Variants in IARS2 observed in about 807,000 individuals in gnomAD.
IARS2 encodes isoleucine--tRNA ligase, mitochondrial.
A neutral mutation model predicts 126.3 loss-of-function variants in IARS2; 56 were observed. That is an observed-to-expected ratio of 0.44 (90% CI 0.36 to 0.55). IARS2 has a LOEUF of 0.55. Ranked by LOEUF, IARS2 falls within the 20% of genes least tolerant of loss-of-function variation. The probability of loss-of-function intolerance (pLI) is 0.00; values close to 1 mark genes in which losing one functional copy is unlikely to be tolerated. For synonymous variants in IARS2, 407 were observed against 441.1 expected, an observed-to-expected ratio of 0.92 and a Z score of 0.97; for missense variants, 1,127 against 1,245.9, an observed-to-expected ratio of 0.90 and a Z score of 1.44.
At chr1:220,103,608 G>T in intron 8 of IARS2, 46 bp downstream of exon 8, 2 of 1,243,862 alleles carry the variant, frequency 1.6e-6, no homozygotes. Flanking sequence ...AAAGTATTGG[G>T]CTGACTTGAA....
Position 220,125,222 on chromosome 1 carries a change from TC to T in IARS2, c.1641-9del. Reference sequence around the variant, plus strand: ...TAGTTAATTGAATAATTCTGCCATGTCCCCCCTGAAATAGCCAAACCACTGA... The same window carrying T: ...TAGTTAATTGAATAATTCTGCCATGTCCCCCTGAAATAGCCAAACCACTGA... On this transcript the variant is annotated splice_polypyrimidine_tract_variant and intron_variant, in intron 12 of 22. Transcript: ENST00000366922. The T allele has an allele frequency of 2.7e-6, 4 of 1,485,842 alleles. No individual in the cohort carries two copies. Among genetic ancestry groups the T allele is most frequent in the Non-Finnish European group, 3.7e-6 (4 of 1,072,942 alleles). The allele number at this position is 1,485,842 out of a possible 1,614,324, so 92.0% of individuals were successfully genotyped here.
intron 9 of IARS2, 53 bp downstream of exon 9, chr1:220,106,113 A>G: frequency 7.0e-7 from 1 of 1,432,066 alleles, no homozygotes; most frequent in Non-Finnish European, 9.5e-7. Flanking sequence ...AAAGGAAATG[A>G]TAAATTCTAA....
chr1:220,105,971 A>T lies in IARS2; in HGVS notation c.1147A>T (p.Thr383Ser). ...TCCTCTTTTACCTGCAAATCATGTG[A>T]CCATGGCAAAAGGAACGGGATTGGT... ...ASPLLPANHV[T>S]MAKGTGLVHT... The change falls in exon 9 of 23, where the codon ACC (threonine) becomes TCC (serine). Residue 383 changes from threonine (T) to serine (S), a missense_variant. Physicochemically the swap from Thr to Ser is moderately conservative, Grantham distance 58. Coordinates refer to ENST00000366922, the MANE Select transcript of IARS2 (RefSeq NM_018060.4). 3.7e-6 allele frequency: 6 copies of T among 1,614,056 alleles called. No homozygotes were observed. The highest frequency in any genetic ancestry group is 5.1e-6 in the Non-Finnish European group (6 of 1,179,946).
chr1:220,112,010 C>A (rs554254573), intron 11 of IARS2, among the ~76,000 whole-genome samples: 15 of 150,962 alleles, frequency 9.9e-5, no homozygotes, highest in African/African-American at 3.6e-4. Flanking sequence ...AAAAATTGTT[C>A]TTTGTAGAAG....
intron 12 of IARS2, among the ~76,000 whole-genome samples, chr1:220,116,984 G>A (rs1166449969): frequency 6.6e-6 from 1 of 151,778 alleles, no homozygotes; most frequent in Admixed American, 6.6e-5. Context: ...GGCCACAAAG[G>A]ATCCATCCAC....
intron 10 of IARS2, among the ~76,000 whole-genome samples, chr1:220,110,369 ACTC>A (rs1469483031): frequency 7.2e-6 from 1 of 138,284 alleles, no homozygotes; most frequent in African/African-American, 2.7e-5. Context: ...CAAGTTGACT[ACTC>A]TTTTATTTTT....
chr1:220,140,983 CAAAAAA>C (rs555848103), intron 19 of IARS2, among the ~76,000 whole-genome samples: 1 of 69,240 alleles, frequency 1.4e-5, no homozygotes, highest in Non-Finnish European at 2.9e-5. Flanking sequence ...GACTCCGTCT[CAAAAAA>C]AAAAAAAAAA....
At chr1:220,146,614 A>G (rs1052622657) in intron 22 of IARS2, among the ~76,000 whole-genome samples, 22 of 151,614 alleles carry the variant, frequency 1.5e-4, no homozygotes, top group Non-Finnish European at 2.8e-4. Flanking sequence ...TACAGGCATC[A>G]GTTCAAATTT....
intron 11 of IARS2, among the ~76,000 whole-genome samples, chr1:220,112,124 CTTTTTTTT>C (rs1279509771): frequency 8.7e-6 from 1 of 114,756 alleles, no homozygotes; most frequent in Non-Finnish European, 1.8e-5. Context: ...CGACCACCTA[CTTTTTTTT>C]TTTTTTTTTT....
chr1:220,145,789 A>T (rs768393378), intron 22 of IARS2, 136 bp downstream of exon 22: 316 of 732,012 alleles, frequency 4.3e-4, no homozygotes, highest in Non-Finnish European at 5.9e-4. Flanking sequence ...GAAATAATAA[A>T]AACAATTGCC....
intron 17 of IARS2, among the ~76,000 whole-genome samples, chr1:220,138,465 G>C (rs547168091): frequency 6.6e-6 from 1 of 151,704 alleles, no homozygotes; most frequent in Non-Finnish European, 1.5e-5. Context: ...GCAAGACCTT[G>C]TCTCAAAAAA....
chr1:220,145,746 G>A, intron 22 of IARS2, 93 bp downstream of exon 22: 9 of 1,013,688 alleles, frequency 8.9e-6, no homozygotes, highest in Admixed American at 2.9e-5. Context: ...TTATTCTAAA[G>A]GTAGATATAT....
In IARS2 at chr1:220,118,076, T is replaced by C. The variant is rs139568926; in HGVS notation, c.1640+3602T>C. ...ATTTTATAAAACAGGCTGAAAATCT[T>C]TTTTTCTGCTGGAATCAAATGAGAG... On this transcript the variant is annotated intron_variant, in intron 12 of 22. Transcript: ENST00000366922. 2.8e-4 allele frequency: 121 copies of C among 435,832 alleles called. 3 individuals carry two copies. The East Asian group carries it at 8.0e-3, about 29-fold the overall frequency. 27.0% of individuals were successfully genotyped at this position (435,832 alleles called of 1,614,324 possible). A position where few individuals can be genotyped will look rare whatever the true frequency, so the allele number is the denominator to read the frequency against.
rs191806652 is a variant in IARS2 at position 220,147,478 on chromosome 1, T to A, written c.2897-15T>A. ...GAATGCCTATCAGAAATACTCTTCATGTATTTTTTTATAGGTGGTGATATT... is the reference window on the plus strand; with the variant it reads ...GAATGCCTATCAGAAATACTCTTCAAGTATTTTTTTATAGGTGGTGATATT... On this transcript the variant is annotated splice_polypyrimidine_tract_variant and intron_variant, in intron 22 of 22. Transcript: ENST00000366922. The A allele has an allele frequency of 1.2e-6, 2 of 1,611,998 alleles. No individual in the cohort carries two copies. Among genetic ancestry groups the A allele is most frequent in the South Asian group, 2.2e-5 (2 of 91,036 alleles).
At chr1:220,106,448 G>T (rs533420869) in intron 9 of IARS2, among the ~76,000 whole-genome samples, 1 of 152,078 alleles carries the variant, frequency 6.6e-6, no homozygotes, top group South Asian at 2.1e-4. Context: ...AGGTGAGTCA[G>T]AAAGGGAACA....
At chr1:220,101,550 T>C (rs1427125506) in intron 3 of IARS2, among the ~76,000 whole-genome samples, 1 of 151,446 alleles carries the variant, frequency 6.6e-6, no homozygotes, top group African/African-American at 2.4e-5. Flanking sequence ...AAATACCAAA[T>C]AATTAGCCAG....
At chr1:220,144,328 G>A (rs987861250) in intron 21 of IARS2, 7 of 740,814 alleles carry the variant, frequency 9.4e-6, no homozygotes, top group Middle Eastern at 3.8e-4. Context: ...GAGAGCATCA[G>A]CCAGGACATT....
chr1:220,105,874 G>T lies in IARS2; in HGVS notation c.1067-17G>T, dbSNP rs1282569166. The T allele has an allele frequency of 6.2e-7, 1 of 1,610,154 alleles. No homozygotes were observed. The highest frequency in any genetic ancestry group is 1.3e-5 in the African/African-American group (1 of 74,834). Reference sequence around the variant, plus strand: ...CCATATAAAATGATTCTTAATAGTGGTTTTCTTTCCCCACAGGTGTAGATT... The same window carrying T: ...CCATATAAAATGATTCTTAATAGTGTTTTTCTTTCCCCACAGGTGTAGATT... On this transcript the variant is annotated splice_polypyrimidine_tract_variant and intron_variant, in intron 8 of 22. Coordinates refer to ENST00000366922, the MANE Select transcript of IARS2 (RefSeq NM_018060.4).
At chr1:220,110,995 G>C in intron 11 of IARS2, 58 bp downstream of exon 11, 9 of 1,505,388 alleles carry the variant, frequency 6.0e-6, no homozygotes, top group Non-Finnish European at 8.1e-6. Flanking sequence ...GTATAAAGGG[G>C]CTGCATGTGA....
Sources: gnomAD v4.1 joint callset for allele counts (sites outside exome capture counted in the v4.1 genomes callset) on GRCh38, gnomAD v4.1.1 for gene constraint, MANE v1.5 for transcripts, NCBI Gene and HGNC (gene_info 2026-07-23, HGNC 2026-07-21) for gene names.